Variants in RFX3 observed in about 807,000 individuals in gnomAD.
RFX3 encodes regulatory factor X3.
RFX3 carries 14 observed loss-of-function variants against 98.6 expected under a neutral mutation model. The ratio of observed to expected loss-of-function variants is 0.14; its 90% CI spans 0.09 to 0.22. The LOEUF is 0.22. RFX3 is among the 10% of genes least tolerant of loss of function. The pLI, the probability that RFX3 is intolerant of heterozygous loss-of-function variation, is 1.00. For missense variants in RFX3, 639 were observed against 926.9 expected (o/e 0.69, Z 4.03); for synonymous variants, 383 against 328.4 (o/e 1.17, Z -1.80).
chr9:3,265,202 G>A lies in RFX3; in HGVS notation c.1455+1006C>T, dbSNP rs78003158. ...AAAATGTAGCGAGTATGACTGAGGAGCTAGTTTTTTCATTTCACTTAATTT... is the reference window on the plus strand; with the variant it reads ...AAAATGTAGCGAGTATGACTGAGGAACTAGTTTTTTCATTTCACTTAATTT... On this transcript the variant is annotated intron_variant, in intron 12 of 16. Coordinates refer to ENST00000617270, the MANE Select transcript of RFX3 (RefSeq NM_001282116.2). Among the ~76,000 whole-genome samples the A allele has an allele frequency of 4.2e-3, 638 of 152,300 alleles. 5 individuals carry two copies. Among genetic ancestry groups the A allele is most frequent in the African/African-American group, 0.015 (616 of 41,562 alleles).
chr9:3,436,030 T>C lies in RFX3; in HGVS notation c.-8-40434A>G, dbSNP rs539760055. On this transcript the variant is annotated intron_variant, in intron 1 of 16. Transcript: ENST00000617270. Reference sequence around the variant, plus strand: ...ACTTTAACTGATTAAGTAGTAGTGATAGGTAACTATATTTGGTCATGTACA... The same window carrying C: ...ACTTTAACTGATTAAGTAGTAGTGACAGGTAACTATATTTGGTCATGTACA... Among the ~76,000 whole-genome samples, 11 of 152,090 alleles carry C rather than the reference T, an allele frequency of 7.2e-5. No individual in the cohort carries two copies. The South Asian group carries it at 8.3e-4, about 11-fold the overall frequency.
intron 1 of RFX3, among the ~76,000 whole-genome samples, chr9:3,439,526 C>T (rs1845448478): frequency 6.6e-6 from 1 of 151,820 alleles, no homozygotes; most frequent in South Asian, 2.1e-4. Context: ...CAACTTTATG[C>T]CAATAAGTTT....
intron 2 of RFX3, among the ~76,000 whole-genome samples, chr9:3,363,927 G>C (rs931084517): frequency 1.3e-5 from 2 of 152,240 alleles, no homozygotes; most frequent in African/African-American, 4.8e-5. Context: ...CCAGGCTGGA[G>C]TGTAGTGGCA....
intron 1 of RFX3, among the ~76,000 whole-genome samples, chr9:3,419,562 T>C (rs1161920143): frequency 6.6e-6 from 1 of 152,170 alleles, no homozygotes; most frequent in Non-Finnish European, 1.5e-5. Flanking sequence ...GTCTGTAAAG[T>C]ATCAACTTAT....
At chr9:3,429,627 T>C (rs548421269) in intron 1 of RFX3, among the ~76,000 whole-genome samples, 1 of 152,244 alleles carries the variant, frequency 6.6e-6, no homozygotes, top group East Asian at 1.9e-4. Flanking sequence ...TCCTAACCCA[T>C]TTCCGTCTTA....
chr9:3,247,153 G>A, intron 15 of RFX3: 1 of 985,288 alleles, frequency 1.0e-6, no homozygotes, highest in Non-Finnish European at 1.2e-6. Context: ...GATTCGACAA[G>A]GTATAAACTA....
intron 3 of RFX3, among the ~76,000 whole-genome samples, chr9:3,337,369 T>G (rs1833311526): frequency 6.6e-6 from 1 of 152,220 alleles, no homozygotes; most frequent in East Asian, 1.9e-4. Context: ...TAGAAAAGTT[T>G]GAGAGCACAA....
intron 7 of RFX3, among the ~76,000 whole-genome samples, chr9:3,286,262 T>C (rs867013426): frequency 6.6e-6 from 1 of 151,762 alleles, no homozygotes; most frequent in Non-Finnish European, 1.5e-5. Flanking sequence ...TAACCCAAAA[T>C]AGTAACAATT....
At chr9:3,247,844 T>G in intron 15 of RFX3, 188 bp downstream of exon 15, 1 of 1,605,380 alleles carries the variant, frequency 6.2e-7, no homozygotes, top group Non-Finnish European at 8.5e-7. Context: ...AATTTTAGAA[T>G]CTTTTGATTA....
At chr9:3,519,961 A>G (rs890585400) in intron 1 of RFX3, among the ~76,000 whole-genome samples, 5 of 152,128 alleles carry the variant, frequency 3.3e-5, no homozygotes, top group African/African-American at 1.2e-4. Flanking sequence ...GAAATGTTTT[A>G]AATTTTAAAA....
intron 1 of RFX3, among the ~76,000 whole-genome samples, chr9:3,411,577 G>A (rs1842469958): frequency 6.6e-6 from 1 of 151,738 alleles, no homozygotes; most frequent in African/African-American, 2.4e-5. Flanking sequence ...CTGGGTTCAA[G>A]TGATCCTCCC....
At chr9:3,451,505 C>CT (rs2132870511) in intron 1 of RFX3, among the ~76,000 whole-genome samples, 1 of 152,242 alleles carries the variant, frequency 6.6e-6, no homozygotes, top group Non-Finnish European at 1.5e-5. Flanking sequence ...GATTACGCCA[C>CT]TGCACTCCAG....
Position 3,525,556 on chromosome 9 carries a change from G to C in RFX3, c.-9+191C>G, listed in dbSNP as rs570588680. Among the ~76,000 whole-genome samples, 6 of 152,038 alleles carry C rather than the reference G, an allele frequency of 3.9e-5. No homozygotes were observed. In the East Asian group the frequency reaches 1.2e-3, roughly 30 times the overall value. The stretch of plus-strand genomic sequence containing the variant: ...CCCCCGACCCAGCCGCGGCGCGCAG[G>C]GTCCATTGTAAACAAGCCCGGGGAA... On this transcript the variant is annotated intron_variant, in intron 1 of 16. Transcript: ENST00000617270.
intron 1 of RFX3, among the ~76,000 whole-genome samples, chr9:3,442,566 A>G (rs1445038670): frequency 6.6e-6 from 1 of 152,200 alleles, no homozygotes; most frequent in Non-Finnish European, 1.5e-5. Context: ...ATGAAATCCA[A>G]ATAAAGTCTG....
chr9:3,250,064 T>C (rs1821181949), intron 14 of RFX3, among the ~76,000 whole-genome samples: 1 of 151,986 alleles, frequency 6.6e-6, no homozygotes, highest in Non-Finnish European at 1.5e-5. Context: ...TTTGTAAAAA[T>C]AATTTATAAG....
At chr9:3,313,804 G>T (rs942423940) in intron 4 of RFX3, among the ~76,000 whole-genome samples, 1 of 152,134 alleles carries the variant, frequency 6.6e-6, no homozygotes, top group Non-Finnish European at 1.5e-5. Flanking sequence ...GAAGTGAAGC[G>T]AGAAGAGAAG....
At chr9:3,515,569 A>G (rs1442469196) in intron 1 of RFX3, among the ~76,000 whole-genome samples, 1 of 152,176 alleles carries the variant, frequency 6.6e-6, no homozygotes, top group Non-Finnish European at 1.5e-5. Flanking sequence ...ATGTCTAACA[A>G]TAGAAACAGG....
At chr9:3,252,032 G>C (rs1017661404) in intron 14 of RFX3, among the ~76,000 whole-genome samples, 5 of 152,108 alleles carry the variant, frequency 3.3e-5, no homozygotes, top group African/African-American at 1.2e-4. Context: ...ATTTTTAGTA[G>C]AGACGGGGTT....
At chr9:3,341,196 T>C (rs985382963) in intron 3 of RFX3, among the ~76,000 whole-genome samples, 2 of 151,880 alleles carry the variant, frequency 1.3e-5, no homozygotes, top group African/African-American at 2.4e-5. Flanking sequence ...CAGGCGGGAA[T>C]TGAACAATGA....
Sources: allele counts gnomAD v4.1 joint callset (sites outside exome capture counted in the v4.1 genomes callset), GRCh38; gene constraint gnomAD v4.1.1; transcripts MANE v1.5; gene names NCBI Gene and HGNC (gene_info 2026-07-23, HGNC 2026-07-21).